Variants in KDM7A observed in about 807,000 individuals in gnomAD.
KDM7A encodes the protein lysine demethylase 7A.
Under a neutral mutation model 114.8 loss-of-function variants are expected in KDM7A, and 28 were observed. The observed-to-expected ratio is 0.24, with a 90% confidence interval of 0.18 to 0.33. KDM7A has a LOEUF of 0.33. KDM7A is among the 10% of genes least tolerant of loss of function. The pLI is 1.00. For synonymous variants in KDM7A, 423 were observed against 397.8 expected, an observed-to-expected ratio of 1.06 and a Z score of -0.75; for missense variants, 942 against 1,142.5, an observed-to-expected ratio of 0.82 and a Z score of 2.53.
In KDM7A at chr7:140,096,881, T is replaced by C. The variant is rs764739409; in HGVS notation, c.2165+18A>G. 3.1e-6 allele frequency: 5 copies of C among 1,611,512 alleles called. No individual in the cohort carries two copies. The highest frequency in any genetic ancestry group is 1.1e-5 in the South Asian group (1 of 90,880). ...TACCTTACAATATAATAAGACTTAC[T>C]ACTATCAGCAAGCCTACCTTTTAAT... On this transcript the variant is annotated intron_variant, in intron 16 of 19. Transcript: ENST00000397560.
At chr7:140,100,719 TA>T (rs1562946091) in intron 12 of KDM7A, among the ~76,000 whole-genome samples, 15 of 59,628 alleles carry the variant, frequency 2.5e-4, no homozygotes, top group Admixed American at 7.5e-4. Flanking sequence ...CACATATATA[TA>T]TATATATATA....
intron 13 of KDM7A, among the ~76,000 whole-genome samples, chr7:140,099,684 C>T (rs1173030277): frequency 6.6e-6 from 1 of 152,142 alleles, no homozygotes; most frequent in South Asian, 2.1e-4. Context: ...TTGTGAACTA[C>T]ACATGTCCAA....
At chr7:140,117,377 A>C (rs1166617377) in intron 9 of KDM7A, among the ~76,000 whole-genome samples, 2 of 152,066 alleles carry the variant, frequency 1.3e-5, no homozygotes, top group Admixed American at 1.3e-4. Context: ...TTTCAGGTAA[A>C]GCTCTTAATT....
intron 9 of KDM7A, among the ~76,000 whole-genome samples, chr7:140,118,437 A>G (rs1392547804): frequency 6.6e-6 from 1 of 150,418 alleles, no homozygotes; most frequent in Non-Finnish European, 1.5e-5. Flanking sequence ...TTTTTTGGAG[A>G]TGGAGTTTTG....
In KDM7A at chr7:140,142,422, CA is replaced by C. The variant is rs545464512; in HGVS notation, c.195-3233del. ...TATACTGAACTCCTATAAATCAATA[CA>C]AAAAAAAAAACCAATAGAAAAATGA... On this transcript the variant is annotated intron_variant, in intron 1 of 19. Transcript: ENST00000397560. 6.9e-4 allele frequency among the ~76,000 whole-genome samples: 93 copies of C among 135,042 alleles called. No individual in the cohort carries two copies. In the South Asian group the frequency reaches 7.7e-3, roughly 11 times the overall value. 88.6% of individuals were successfully genotyped at this position (135,042 alleles called of 152,430 possible).
In KDM7A at chr7:140,176,765, C is replaced by T; in HGVS notation, c.173G>A (p.Cys58Tyr). The T allele has an allele frequency of 7.1e-7, 1 of 1,405,016 alleles. No homozygotes were observed. The allele number at this position is 1,405,016 out of a possible 1,614,324, so 87.0% of individuals were successfully genotyped here. A position where few individuals can be genotyped will look rare whatever the true frequency, so the allele number is the denominator to read the frequency against. Residue 58 changes from cysteine to tyrosine, a missense_variant, in exon 1 of 20, where the codon TGC becomes TAC. Transcript: ENST00000397560. This position sits in a 1 kb window ranked among gnomAD's most constrained non-coding sequence, Gnocchi z 4.4. ...VNRFMIECDICKDWFHGSCVG... is the reference protein window; with the variant it reads ...VNRFMIECDIYKDWFHGSCVG... ...TTACCTGCCGTGGAACCAGTCCTTG[C>T]AGATATCGCACTCGATCATGAAGCG... is the stretch of plus-strand genomic sequence containing the variant.
chr7:140,120,302 C>T (rs1818597958), intron 8 of KDM7A, 140 bp downstream of exon 8: 1 of 513,458 alleles, frequency 1.9e-6, no homozygotes, highest in Non-Finnish European at 3.5e-6. Flanking sequence ...TTGTTAAAAG[C>T]TTCTATCCCT....
chr7:140,099,069 C>T, intron 13 of KDM7A, 36 bp from the exon 14 acceptor site: 1 of 1,529,378 alleles, frequency 6.5e-7, no homozygotes, highest in Non-Finnish European at 8.9e-7. Context: ...GAATATAGTG[C>T]AAGACTCTGT....
At position 140,087,453 on chromosome 7, in the gene KDM7A, G is replaced by T. The variant is rs2116726028; in HGVS notation, c.*3641C>A. 6.6e-6 allele frequency: 1 copy of T among 151,952 alleles called. No individual in the cohort carries two copies. Among genetic ancestry groups the T allele is most frequent in the African/African-American group, 2.4e-5 (1 of 41,434 alleles). The allele number at this position is 151,952 out of a possible 1,614,324, so 9.4% of individuals were successfully genotyped here. ...CGGATTTTTAAAGTAGCATGCCCTG[G>T]GCATATATTTGATATAAAATAAACA... On this transcript the variant is annotated 3_prime_UTR_variant, in exon 20 of 20. Coordinates refer to ENST00000397560, the MANE Select transcript of KDM7A (RefSeq NM_030647.2).
chr7:140,094,504 TG>T lies in KDM7A; in HGVS notation c.2375-367del, dbSNP rs199626870. ...TAGGCAACAGAGTGAGACTCCATCTTGGGGGAAAAAAAAAAAAGCAAGCAAA... is the reference window on the plus strand; with the variant it reads ...TAGGCAACAGAGTGAGACTCCATCTTGGGGAAAAAAAAAAAAGCAAGCAAA... On this transcript the variant is annotated intron_variant, in intron 17 of 19. Transcript: ENST00000397560. Among the ~76,000 whole-genome samples the T allele has an allele frequency of 6.5e-3, 983 of 150,206 alleles. 19 individuals are homozygous for T. The highest frequency in any genetic ancestry group is 0.021 in the African/African-American group (848 of 40,916).
At chr7:140,166,811 A>G (rs1460612874) in intron 1 of KDM7A, among the ~76,000 whole-genome samples, 1 of 152,256 alleles carries the variant, frequency 6.6e-6, no homozygotes, top group East Asian at 1.9e-4. Context: ...GAAATCAAAT[A>G]GAGGCATAAG....
At chr7:140,128,871 A>G (rs1818747105) in intron 4 of KDM7A, among the ~76,000 whole-genome samples, 1 of 152,242 alleles carries the variant, frequency 6.6e-6, no homozygotes. Context: ...AGAATTAATG[A>G]AATGACTGAA....
At chr7:140,126,286 T>C (rs895692162) in intron 6 of KDM7A, among the ~76,000 whole-genome samples, 7 of 152,096 alleles carry the variant, frequency 4.6e-5, no homozygotes, top group African/African-American at 1.4e-4. Flanking sequence ...CCAGAAGCAA[T>C]TATTACTGTA....
chr7:140,150,384 A>T (rs772438746), intron 1 of KDM7A, among the ~76,000 whole-genome samples: 15 of 152,200 alleles, frequency 9.9e-5, no homozygotes, highest in Non-Finnish European at 1.8e-4. Context: ...TTTAACACTC[A>T]GTCTATCTGT....
rs1356060794 is a variant in KDM7A at position 140,089,877 on chromosome 7, TACAC to T, written c.*1213_*1216del. The T allele has an allele frequency of 6.6e-6, 1 of 152,112 alleles. No homozygotes were observed. The highest frequency in any genetic ancestry group is 6.6e-5 in the Admixed American group (1 of 15,254). 9.4% of individuals were successfully genotyped at this position (152,112 alleles called of 1,614,324 possible). On this transcript the variant is annotated 3_prime_UTR_variant, in exon 20 of 20. Transcript: ENST00000397560. The stretch of plus-strand genomic sequence containing the variant: ...AAAATTAAGAAATAAAAAAAGTAAA[TACAC>T]ACAAAAGATCTATTCCAACATGCTT...
At chr7:140,132,592 T>C (rs1216842651) in intron 3 of KDM7A, among the ~76,000 whole-genome samples, 1 of 152,208 alleles carries the variant, frequency 6.6e-6, no homozygotes, top group East Asian at 1.9e-4. Flanking sequence ...ACATTTATCC[T>C]ACAACTTGGA....
chr7:140,128,275 G>C (rs1006804665), intron 4 of KDM7A, among the ~76,000 whole-genome samples: 15 of 152,318 alleles, frequency 9.8e-5, no homozygotes, highest in South Asian at 2.1e-4. Flanking sequence ...AGCATAATTA[G>C]TTTGACAATG....
At chr7:140,108,422 C>T (rs1327170866) in intron 11 of KDM7A, among the ~76,000 whole-genome samples, 3 of 152,116 alleles carry the variant, frequency 2.0e-5, no homozygotes, top group South Asian at 4.1e-4. Flanking sequence ...GTTTTATCTA[C>T]CTTTGGTCTT....
At chr7:140,099,819 G>A in intron 13 of KDM7A, 80 bp downstream of exon 13, 2 of 1,365,680 alleles carry the variant, frequency 1.5e-6, no homozygotes, top group South Asian at 2.4e-5. Context: ...TGCCAGAAAG[G>A]TTGAGGACCA....
Sources: allele counts gnomAD v4.1 joint callset (sites outside exome capture counted in the v4.1 genomes callset), GRCh38; gene constraint gnomAD v4.1.1; non-coding constraint Gnocchi (gnomAD v3.1); transcripts MANE v1.5; gene names NCBI Gene and HGNC (gene_info 2026-07-23, HGNC 2026-07-21).